Variants in ARHGAP26 observed in about 807,000 individuals in gnomAD.
ARHGAP26 encodes rho GTPase-activating protein 26.
In ARHGAP26, 38 loss-of-function variants were observed where a neutral mutation model predicts 104.8. The ratio of observed to expected loss-of-function variants is 0.36; its 90% CI spans 0.28 to 0.48. The LOEUF (loss-of-function observed/expected upper bound fraction) is 0.48. Ranked by LOEUF, ARHGAP26 falls within the 20% of genes least tolerant of loss-of-function variation. ARHGAP26 has a pLI of 0.99. For missense variants in ARHGAP26, 704 were observed against 947.9 expected, an observed-to-expected ratio of 0.74 and a Z score of 3.38; for synonymous variants, 341 against 340.0, an observed-to-expected ratio of 1.00 and a Z score of -0.03.
Position 143,227,048 on chromosome 5 carries a change from G to A in ARHGAP26, c.*4602G>A. On this transcript the variant is annotated 3_prime_UTR_variant, in exon 23 of 23. Transcript: ENST00000645722. Reference sequence around the variant, plus strand: ...CAGTTGAGGGGGAGAAAGACAGAAAGAAGAAGCCAAAGATAACCTGATCCC... The same window carrying A: ...CAGTTGAGGGGGAGAAAGACAGAAAAAAGAAGCCAAAGATAACCTGATCCC... The A allele has an allele frequency of 4.3e-6, 1 of 230,324 alleles. No individual in the cohort carries two copies. The highest frequency in any genetic ancestry group is 1.8e-4 in the South Asian group (1 of 5,486). 14.3% of individuals were successfully genotyped at this position (230,324 alleles called of 1,614,324 possible). A position where few individuals can be genotyped will look rare whatever the true frequency, so the allele number is the denominator to read the frequency against.
chr5:142,952,706 C>A (rs1768586776), intron 11 of ARHGAP26, among the ~76,000 whole-genome samples: 2 of 152,138 alleles, frequency 1.3e-5, no homozygotes, highest in South Asian at 4.2e-4. Flanking sequence ...TTTAGCATCC[C>A]AGCTAAAAAA....
intron 22 of ARHGAP26, among the ~76,000 whole-genome samples, chr5:143,220,581 T>C (rs1004933968): frequency 2.0e-5 from 3 of 152,226 alleles, no homozygotes; most frequent in Non-Finnish European, 4.4e-5. Flanking sequence ...AAGAGTGGCA[T>C]GGGAGAGCTT....
At chr5:142,789,549 G>T (rs1759367833) in intron 1 of ARHGAP26, among the ~76,000 whole-genome samples, 2 of 152,164 alleles carry the variant, frequency 1.3e-5, no homozygotes, top group Admixed American at 6.5e-5. Flanking sequence ...CTACCCAGAG[G>T]TGATTACTTA....
chr5:143,005,274 C>T (rs1258415494), intron 11 of ARHGAP26, among the ~76,000 whole-genome samples: 4 of 152,190 alleles, frequency 2.6e-5, no homozygotes, highest in Non-Finnish European at 5.9e-5. Context: ...TTTGTTTGAC[C>T]TTTTCTGCTC....
chr5:142,885,368 C>T lies in ARHGAP26; in HGVS notation c.455C>T (p.Ser152Phe). The T allele has an allele frequency of 6.2e-7, 1 of 1,613,670 alleles. No homozygotes were observed. Among genetic ancestry groups the T allele is most frequent in the Non-Finnish European group, 8.5e-7 (1 of 1,179,748 alleles). ...CGILEKHLNL[S>F]SKKKESQLQE... ...ATCTTAGAAAAACACTTGAATTTGT[C>T]TTCCAAAAAGAAAGAATCTCAGCTT... The change falls in exon 5 of 23, where the codon TCT becomes TTT. Residue 152 changes from serine to phenylalanine, a missense_variant. Transcript: ENST00000645722.
intron 1 of ARHGAP26, among the ~76,000 whole-genome samples, chr5:142,790,174 G>A (rs1759507783): frequency 6.6e-6 from 1 of 152,198 alleles, no homozygotes; most frequent in South Asian, 2.1e-4. Context: ...AGTGGATAGT[G>A]TAAAGTACCA....
At chr5:142,906,103 A>C (rs1761066903) in intron 8 of ARHGAP26, among the ~76,000 whole-genome samples, 1 of 152,202 alleles carries the variant, frequency 6.6e-6, no homozygotes, top group South Asian at 2.1e-4. Flanking sequence ...CTTCATGATT[A>C]GATTTGGATT....
At chr5:142,848,201 C>T (rs1049919190) in intron 1 of ARHGAP26, among the ~76,000 whole-genome samples, 3 of 152,236 alleles carry the variant, frequency 2.0e-5, no homozygotes, top group Non-Finnish European at 4.4e-5. Context: ...CTAGCTCTCT[C>T]AGCCGCCTGG....
chr5:142,999,117 C>G (rs1447304558), intron 11 of ARHGAP26, among the ~76,000 whole-genome samples: 1 of 152,168 alleles, frequency 6.6e-6, no homozygotes, highest in African/African-American at 2.4e-5. Context: ...TTCAGGCCCC[C>G]CTTTTGATGC....
At chr5:143,165,502 G>A (rs973934878) in intron 20 of ARHGAP26, 1 of 152,168 alleles carries the variant, frequency 6.6e-6, no homozygotes, top group Non-Finnish European at 1.5e-5. Context: ...TGGGTTCTGG[G>A]GGCAGATTTA....
At chr5:143,065,905 T>C (rs1156264636) in intron 17 of ARHGAP26, among the ~76,000 whole-genome samples, 1 of 152,190 alleles carries the variant, frequency 6.6e-6, no homozygotes, top group Non-Finnish European at 1.5e-5. Flanking sequence ...ACAGCCTCTT[T>C]GAAGATGGTC....
intron 1 of ARHGAP26, among the ~76,000 whole-genome samples, chr5:142,793,189 G>A (rs536985638): frequency 1.5e-4 from 22 of 150,640 alleles, no homozygotes; most frequent in African/African-American, 4.2e-4. Context: ...GAGGCTGGTC[G>A]CCAAGCAACC....
At chr5:143,112,529 G>A (rs1794899772) in intron 17 of ARHGAP26, among the ~76,000 whole-genome samples, 1 of 152,172 alleles carries the variant, frequency 6.6e-6, no homozygotes, top group Admixed American at 6.5e-5. Context: ...CAGTTCAGTG[G>A]TGGTGTATAG....
chr5:143,013,010 A>G (rs578149486), intron 11 of ARHGAP26, among the ~76,000 whole-genome samples: 1 of 152,250 alleles, frequency 6.6e-6, no homozygotes, highest in South Asian at 2.1e-4. Flanking sequence ...ACAGCATATC[A>G]GAGATGGGCA....
chr5:142,973,225 A>C (rs1772541007), intron 11 of ARHGAP26, among the ~76,000 whole-genome samples: 2 of 152,228 alleles, frequency 1.3e-5, no homozygotes, highest in African/African-American at 4.8e-5. Flanking sequence ...ATCGTTAAAA[A>C]GGCATTGCTC....
intron 16 of ARHGAP26, 31 bp downstream of exon 16, chr5:143,056,117 A>G: frequency 6.4e-7 from 1 of 1,572,984 alleles, no homozygotes; most frequent in South Asian, 1.1e-5. Context: ...TTTTAAGGGG[A>G]AGAGAATAGA....
chr5:143,004,399 C>G (rs528659429), intron 11 of ARHGAP26, among the ~76,000 whole-genome samples: 1 of 152,318 alleles, frequency 6.6e-6, no homozygotes, highest in Admixed American at 6.5e-5. Context: ...ATCCATTTCT[C>G]CCTGTTTTGG....
chr5:142,810,670 A>G (rs1023501618), intron 1 of ARHGAP26, among the ~76,000 whole-genome samples: 1 of 152,222 alleles, frequency 6.6e-6, no homozygotes, highest in African/African-American at 2.4e-5. Flanking sequence ...TATTTCTGAA[A>G]CTGTAGTCAA....
chr5:143,146,433 C>T (rs189171971), intron 19 of ARHGAP26, among the ~76,000 whole-genome samples: 2 of 152,244 alleles, frequency 1.3e-5, no homozygotes, highest in East Asian at 3.9e-4. Context: ...GATTGTTAAC[C>T]AGGAATCCAA....
Sources: allele counts gnomAD v4.1 joint callset (sites outside exome capture counted in the v4.1 genomes callset), GRCh38; gene constraint gnomAD v4.1.1; transcripts MANE v1.5; gene names NCBI Gene and HGNC (gene_info 2026-07-23, HGNC 2026-07-21).